ATP8A1: variants seen among roughly 807,000 people sequenced by gnomAD.
The protein encoded by ATP8A1 is ATPase phospholipid transporting 8A1.
A neutral mutation model predicts 177.7 loss-of-function variants in ATP8A1; 90 were observed. The observed-to-expected ratio is 0.51, with a 90% CI of 0.43 to 0.60. ATP8A1 has a LOEUF of 0.60. ATP8A1 is among the 20% of genes least tolerant of loss of function. The pLI, the probability that ATP8A1 is intolerant of heterozygous loss-of-function variation, is 0.00. For synonymous variants in ATP8A1, 493 were observed against 485.9 expected (o/e 1.01, Z -0.19); for missense variants, 1,072 against 1,392.8 (o/e 0.77, Z 3.67).
At chr4:42,457,553 C>T (rs1718619169) in intron 27 of ATP8A1, among the ~76,000 whole-genome samples, 1 of 152,200 alleles carries the variant, frequency 6.6e-6, no homozygotes, top group South Asian at 2.1e-4. Context: ...GCTCTGCATA[C>T]CAAATTCGTC....
intron 19 of ATP8A1, among the ~76,000 whole-genome samples, chr4:42,547,096 T>C (rs9995421): frequency 0.026 from 3,969 of 152,300 alleles, 165 homozygotes; most frequent in African/African-American, 0.089. Flanking sequence ...TATATTCAAC[T>C]GCTTGCCTGA....
rs55946444 is a variant in ATP8A1, at chr4:42,448,828, G to GTTTT, written c.2897-2188_2897-2185dup. Among the ~76,000 whole-genome samples the GTTTT allele has an allele frequency of 4.2e-4, 35 of 84,218 alleles. 1 individual carries two copies. The highest frequency in any genetic ancestry group is 1.3e-3 in the African/African-American group (28 of 22,222). 55.3% of individuals were successfully genotyped at this position (84,218 alleles called of 152,430 possible). A position where few individuals can be genotyped will look rare whatever the true frequency, so the allele number is the denominator to read the frequency against. ...TCCATCAGTCTACTTTGTACTTTGC[G>GTTTT]TTTTTTTTTTTTTTTTTTTTTTTTT... On this transcript the variant is annotated intron_variant, in intron 30 of 36. Transcript: ENST00000381668.
At chr4:42,589,134 A>G (rs552404693) in intron 7 of ATP8A1, among the ~76,000 whole-genome samples, 2 of 152,304 alleles carry the variant, frequency 1.3e-5, no homozygotes, top group South Asian at 4.1e-4. Context: ...ACCACAGCCC[A>G]GACTGTCTTA....
intron 24 of ATP8A1, among the ~76,000 whole-genome samples, chr4:42,495,703 T>A (rs886573726): frequency 6.6e-6 from 1 of 152,100 alleles, no homozygotes; most frequent in African/African-American, 2.4e-5. Flanking sequence ...GAAAAACATA[T>A]GTGTATAGAA....
chr4:42,450,289 T>G (rs1277986313), intron 30 of ATP8A1, among the ~76,000 whole-genome samples: 1 of 152,094 alleles, frequency 6.6e-6, no homozygotes, highest in Admixed American at 6.5e-5. Context: ...ATAAAAAAAA[T>G]GTAAGTAGTT....
intron 14 of ATP8A1, among the ~76,000 whole-genome samples, chr4:42,574,225 A>AG (rs1158747053): frequency 6.6e-6 from 1 of 152,144 alleles, no homozygotes; most frequent in Non-Finnish European, 1.5e-5. Flanking sequence ...AGAAAAAAAA[A>AG]GTATCAAAAG....
intron 1 of ATP8A1, chr4:42,637,285 C>A (rs959567656): frequency 8.0e-6 from 4 of 500,530 alleles, no homozygotes; most frequent in Non-Finnish European, 1.6e-5. Flanking sequence ...CTGATGTTAA[C>A]AGCTGCCCTA....
At chr4:42,602,232 C>T (rs185306858) in intron 5 of ATP8A1, among the ~76,000 whole-genome samples, 1 of 152,254 alleles carries the variant, frequency 6.6e-6, no homozygotes, top group Non-Finnish European at 1.5e-5. Flanking sequence ...GACCAAGGAT[C>T]TAAAGCACAG....
intron 1 of ATP8A1, among the ~76,000 whole-genome samples, chr4:42,637,876 A>G (rs533632368): frequency 6.6e-6 from 1 of 152,272 alleles, no homozygotes; most frequent in South Asian, 2.1e-4. Flanking sequence ...CTTTGAAGGG[A>G]TACCTACAAA....
intron 32 of ATP8A1, 50 bp downstream of exon 32, chr4:42,444,528 A>C (rs780135360): frequency 6.5e-7 from 1 of 1,540,612 alleles, no homozygotes; most frequent in South Asian, 1.1e-5. Flanking sequence ...ACTGGAGATA[A>C]TGCACAAGTA....
At chr4:42,573,136 G>C (rs1732071503) in intron 14 of ATP8A1, among the ~76,000 whole-genome samples, 1 of 152,170 alleles carries the variant, frequency 6.6e-6, no homozygotes, top group Non-Finnish European at 1.5e-5. Flanking sequence ...TCTGATTTTA[G>C]CTTTCTGTTC....
intron 20 of ATP8A1, among the ~76,000 whole-genome samples, chr4:42,532,123 G>GACACAGAC (rs1177266215): frequency 6.6e-6 from 1 of 151,346 alleles, no homozygotes; most frequent in African/African-American, 2.4e-5. Context: ...CACACACACA[G>GACACAGAC]ACACAGACAC....
intron 14 of ATP8A1, among the ~76,000 whole-genome samples, chr4:42,570,147 G>GAC (rs1418179472): frequency 1.3e-5 from 2 of 152,118 alleles, no homozygotes; most frequent in African/African-American, 2.4e-5. Context: ...CCAAGGCAGG[G>GAC]ACTTCATCAT....
At chr4:42,479,652 G>A (rs1360693845) in intron 25 of ATP8A1, among the ~76,000 whole-genome samples, 1 of 152,230 alleles carries the variant, frequency 6.6e-6, no homozygotes, top group African/African-American at 2.4e-5. Flanking sequence ...GAGGCCTTCA[G>A]TAGAAAGCTA....
chr4:42,478,486 G>A, intron 25 of ATP8A1, among the ~76,000 whole-genome samples: 1 of 152,048 alleles, frequency 6.6e-6, no homozygotes, highest in South Asian at 2.1e-4. Flanking sequence ...GCAAATGGAT[G>A]GGAACATATG....
chr4:42,564,978 T>C (rs904823012), intron 15 of ATP8A1, among the ~76,000 whole-genome samples: 12 of 152,162 alleles, frequency 7.9e-5, no homozygotes, highest in African/African-American at 2.9e-4. Context: ...TCTCACGAGA[T>C]CTTATGGTTA....
intron 35 of ATP8A1, among the ~76,000 whole-genome samples, chr4:42,417,892 A>AT (rs1418237887): frequency 6.6e-6 from 1 of 152,190 alleles, no homozygotes. Flanking sequence ...AGCTGAAAAC[A>AT]TTTCAGTGTT....
At chr4:42,571,798 A>T (rs1430169639) in intron 14 of ATP8A1, among the ~76,000 whole-genome samples, 1 of 152,240 alleles carries the variant, frequency 6.6e-6, no homozygotes, top group Non-Finnish European at 1.5e-5. Flanking sequence ...TGATTTCTAC[A>T]AGATAATCAT....
chr4:42,421,132 G>GA (rs1713874596), intron 35 of ATP8A1, among the ~76,000 whole-genome samples: 1 of 152,108 alleles, frequency 6.6e-6, no homozygotes, highest in Non-Finnish European at 1.5e-5. Context: ...TTTACTAGCT[G>GA]AATTTACTGA....
Sources: allele counts gnomAD v4.1 joint callset (sites outside exome capture counted in the v4.1 genomes callset), GRCh38; gene constraint gnomAD v4.1.1; transcripts MANE v1.5; gene names NCBI Gene and HGNC (gene_info 2026-07-23, HGNC 2026-07-21).